Variants in PCDHA3 observed in about 807,000 individuals in gnomAD.
The protein encoded by PCDHA3 is protocadherin alpha-3.
Under a neutral mutation model 62.2 loss-of-function variants are expected in PCDHA3, and 41 were observed. That is an observed-to-expected ratio of 0.66 (90% CI 0.51 to 0.86). The LOEUF is 0.86. PCDHA3 is among the 40% of genes least tolerant of loss of function. The pLI, the probability that PCDHA3 is intolerant of heterozygous loss-of-function variation, is 0.00. For synonymous variants in PCDHA3, 640 were observed against 555.4 expected, an observed-to-expected ratio of 1.15 and a Z score of -2.14; for missense variants, 1,304 against 1,241.2, an observed-to-expected ratio of 1.05 and a Z score of -0.76.
At chr5:140,829,268 G>C (rs2150164967) in intron 1 of PCDHA3, 4 of 1,614,210 alleles carry the variant, frequency 2.5e-6, no homozygotes, top group East Asian at 2.2e-5. Flanking sequence ...GACGCCTCAC[G>C]TCCCTTTCAA....
chr5:140,885,641 T>G (rs917089389), intron 1 of PCDHA3, among the ~76,000 whole-genome samples: 10 of 152,200 alleles, frequency 6.6e-5, no homozygotes, highest in Admixed American at 6.5e-4. Context: ...GCCTTCCAAG[T>G]ATTTTGGAAC....
At position 140,897,120 on chromosome 5, in the gene PCDHA3, C is replaced by T. The variant is rs116233032; in HGVS notation, c.2395-81829C>T. Among the ~76,000 whole-genome samples, 1,215 of 152,248 alleles carry T rather than the reference C, an allele frequency of 8.0e-3. 5 individuals are homozygous for T. The highest frequency in any genetic ancestry group is 0.019 in the African/African-American group (784 of 41,540). On this transcript the variant is annotated intron_variant, in intron 1 of 3. Coordinates refer to ENST00000522353, the MANE Select transcript of PCDHA3 (RefSeq NM_018906.3). ...TAAAAATCTCCACTTTCTGTCCACA[C>T]CCCACTAAACTTTCTAGCCTTTGTT... is the stretch of plus-strand genomic sequence containing the variant.
At chr5:140,851,813 A>G in intron 1 of PCDHA3, 1 of 954,990 alleles carries the variant, frequency 1.0e-6, no homozygotes, top group Non-Finnish European at 1.3e-6. Flanking sequence ...AATCCATAAG[A>G]CAGAAATCTG....
intron 3 of PCDHA3, among the ~76,000 whole-genome samples, chr5:140,984,824 C>T (rs920985683): frequency 6.6e-6 from 1 of 151,980 alleles, no homozygotes; most frequent in African/African-American, 2.4e-5. Flanking sequence ...TCTTAATTAC[C>T]CTTTCTGTAA....
chr5:140,848,322 C>T, intron 1 of PCDHA3: 1 of 771,738 alleles, frequency 1.3e-6, no homozygotes, highest in Non-Finnish European at 2.1e-6. Flanking sequence ...CCGCGATGTT[C>T]TCTCTGAATC....
chr5:140,889,232 C>T (rs1365146997), intron 1 of PCDHA3, among the ~76,000 whole-genome samples: 6 of 151,736 alleles, frequency 4.0e-5, no homozygotes, highest in African/African-American at 1.4e-4. Context: ...TTGAAAACTT[C>T]CAGAAAATTT....
chr5:140,951,413 C>T (rs1206149734), intron 1 of PCDHA3, among the ~76,000 whole-genome samples: 1 of 152,028 alleles, frequency 6.6e-6, no homozygotes, highest in African/African-American at 2.4e-5. Context: ...GTTTAATTGG[C>T]TCACAGTTCC....
At chr5:140,818,367 A>C (rs1766343282) in intron 1 of PCDHA3, among the ~76,000 whole-genome samples, 1 of 152,220 alleles carries the variant, frequency 6.6e-6, no homozygotes, top group African/African-American at 2.4e-5. Context: ...TTGAATTCTT[A>C]ACTTGAATCG....
rs782455687 is a variant in PCDHA3, at chr5:140,801,649, G to C, written c.452G>C (p.Arg151Pro). ...FISESRQPGS[R>P]FSLEGASDAD... ...TCCGAATCCCGACAGCCTGGCTCTCGGTTTTCGCTAGAGGGCGCATCAGAT... is the reference window on the plus strand; with the variant it reads ...TCCGAATCCCGACAGCCTGGCTCTCCGTTTTCGCTAGAGGGCGCATCAGAT... Residue 151 changes from arginine to proline, a missense_variant, in exon 1 of 4, where the codon CGG becomes CCG. Coordinates refer to ENST00000522353, the MANE Select transcript of PCDHA3 (RefSeq NM_018906.3). 3.1e-6 allele frequency: 5 copies of C among 1,614,130 alleles called. No homozygotes were observed. The South Asian group carries it at 5.5e-5, about 18-fold the overall frequency.
intron 1 of PCDHA3, chr5:140,823,361 T>A (rs2150125012): frequency 1.9e-5 from 30 of 1,612,648 alleles, no homozygotes; most frequent in Non-Finnish European, 2.5e-5. Context: ...GAAGTGGAGC[T>A]GCTGCAGTTC....
chr5:140,848,473 T>C lies in PCDHA3; in HGVS notation c.2394+44882T>C, dbSNP rs2150410947. 9.6e-6 allele frequency: 15 copies of C among 1,556,324 alleles called. No individual in the cohort carries two copies. In the East Asian group the frequency reaches 3.4e-4, roughly 35 times the overall value. On this transcript the variant is annotated intron_variant, in intron 1 of 3. Transcript: ENST00000522353. ...TAATTTGGAGGCAATTTTCACTAATTAGAAGAAGACTGAGTATTTGAAATG... is the reference window on the plus strand; with the variant it reads ...TAATTTGGAGGCAATTTTCACTAATCAGAAGAAGACTGAGTATTTGAAATG...
At position 140,852,928 on chromosome 5, in the gene PCDHA3, G is replaced by A. The variant is rs2150525567; in HGVS notation, c.2394+49337G>A. 7.3e-5 allele frequency: 48 copies of A among 653,604 alleles called. 1 individual carries two copies. The highest frequency in any genetic ancestry group is 1.3e-4 in the East Asian group (1 of 7,716). 40.5% of individuals were successfully genotyped at this position (653,604 alleles called of 1,614,324 possible). ...GAGTCTCGCTCTGTTGCCCAGGCTG[G>A]AGTGCAGTGGTGCCATCTTGGCTCA... On this transcript the variant is annotated intron_variant, in intron 1 of 3. Transcript: ENST00000522353.
intron 1 of PCDHA3, chr5:140,830,270 C>G: frequency 1.2e-6 from 2 of 1,613,610 alleles, no homozygotes; most frequent in Non-Finnish European, 1.7e-6. Flanking sequence ...CTCGGCGCCA[C>G]CCACCGAGGG....
chr5:140,829,407 C>G (rs1357066039), intron 1 of PCDHA3: 1 of 1,614,022 alleles, frequency 6.2e-7, no homozygotes, highest in Non-Finnish European at 8.5e-7. Flanking sequence ...TGGGCCACCG[C>G]CAGCTTGTCT....
chr5:140,853,960 C>G, intron 1 of PCDHA3: 2 of 730,184 alleles, frequency 2.7e-6, no homozygotes, highest in Non-Finnish European at 3.4e-6. Flanking sequence ...CTTCCTTGAG[C>G]CCAGCAGTTT....
At chr5:140,836,501 G>C (rs1554136017) in intron 1 of PCDHA3, 6 of 1,613,866 alleles carry the variant, frequency 3.7e-6, no homozygotes, top group Non-Finnish European at 5.1e-6. Context: ...CCATCTGCGC[G>C]GTGTCCAGTC....
At chr5:140,817,430 G>A (rs1172581064) in intron 1 of PCDHA3, 2 of 152,156 alleles carry the variant, frequency 1.3e-5, no homozygotes, top group Non-Finnish European at 2.9e-5. Context: ...CCTGTGGAGG[G>A]TCTGGGGATT....
intron 1 of PCDHA3, chr5:140,860,566 A>G (rs1385735814): frequency 6.6e-6 from 1 of 152,224 alleles, no homozygotes; most frequent in Non-Finnish European, 1.5e-5. Context: ...GGTACTGATC[A>G]TACACAAGAA....
intron 1 of PCDHA3, among the ~76,000 whole-genome samples, chr5:140,922,848 C>T (rs1345344826): frequency 2.6e-5 from 4 of 151,962 alleles, no homozygotes; most frequent in African/African-American, 9.7e-5. Flanking sequence ...TCAAAGAGAC[C>T]AAATACATAG....
Sources: allele counts gnomAD v4.1 joint callset (sites outside exome capture counted in the v4.1 genomes callset), GRCh38; gene constraint gnomAD v4.1.1; transcripts MANE v1.5; gene names NCBI Gene and HGNC (gene_info 2026-07-23, HGNC 2026-07-21).